ERC2: variants seen among roughly 807,000 people sequenced by gnomAD.
The protein encoded by ERC2 is ERC protein 2.
Under a neutral mutation model 114.8 loss-of-function variants are expected in ERC2, and 42 were observed. That is an observed-to-expected ratio of 0.37 (90% CI 0.29 to 0.47). The LOEUF (loss-of-function observed/expected upper bound fraction) is 0.47. ERC2 is among the 20% of genes least tolerant of loss of function. The pLI, the probability that ERC2 is intolerant of heterozygous loss-of-function variation, is 0.99. For missense variants in ERC2, 939 were observed against 1,150.7 expected, an observed-to-expected ratio of 0.82 and a Z score of 2.66; for synonymous variants, 454 against 425.5, an observed-to-expected ratio of 1.07 and a Z score of -0.82.
chr3:55,877,494 T>C (rs1312291564), intron 14 of ERC2, among the ~76,000 whole-genome samples: 3 of 150,896 alleles, frequency 2.0e-5, no homozygotes, highest in Non-Finnish European at 4.4e-5. Context: ...TTCTTTTCTC[T>C]TTTTTTAATT....
intron 2 of ERC2, among the ~76,000 whole-genome samples, chr3:56,306,269 C>G (rs747300805): frequency 6.6e-6 from 1 of 152,166 alleles, no homozygotes; most frequent in Non-Finnish European, 1.5e-5. Context: ...CTGCTGGCCC[C>G]TGCCCTAAAG....
rs1437710697 is a variant in ERC2, at chr3:55,827,314, AAAG to A, written c.2564+61072_2564+61074del. The stretch of plus-strand genomic sequence containing the variant: ...AAAAAAGGAAGAGAAAGAAAGAAAG[AAAG>A]AAGAAAGAGAAAAAGAAAGAGGGAC... On this transcript the variant is annotated intron_variant, in intron 14 of 17. Transcript: ENST00000288221. Among the ~76,000 whole-genome samples the A allele has an allele frequency of 2.6e-5, 4 of 151,786 alleles. No individual in the cohort carries two copies. In the South Asian group the frequency reaches 6.2e-4, roughly 24 times the overall value.
At chr3:56,435,652 A>G (rs1179151881) in intron 1 of ERC2, among the ~76,000 whole-genome samples, 1 of 152,198 alleles carries the variant, frequency 6.6e-6, no homozygotes, top group Non-Finnish European at 1.5e-5. Context: ...CATTACAGAC[A>G]TCACTAATCC....
intron 2 of ERC2, among the ~76,000 whole-genome samples, chr3:56,431,692 T>G (rs1166809329): frequency 6.6e-6 from 1 of 152,252 alleles, no homozygotes; most frequent in Non-Finnish European, 1.5e-5. Context: ...AATAGCTTGT[T>G]TTTTGTCAAT....
At chr3:56,294,874 A>G (rs2055327553) in intron 3 of ERC2, among the ~76,000 whole-genome samples, 1 of 152,232 alleles carries the variant, frequency 6.6e-6, no homozygotes. Flanking sequence ...AAACCAAGCC[A>G]TGTGGTTTCC....
intron 14 of ERC2, among the ~76,000 whole-genome samples, chr3:55,877,463 C>T (rs111475942): frequency 1.4e-3 from 211 of 151,672 alleles, no homozygotes; most frequent in African/African-American, 4.9e-3. Flanking sequence ...CTCACTGCAC[C>T]GATAATTCTT....
At chr3:55,735,975 A>C (rs1360700057) in intron 14 of ERC2, among the ~76,000 whole-genome samples, 1 of 152,098 alleles carries the variant, frequency 6.6e-6, no homozygotes, top group Non-Finnish European at 1.5e-5. Flanking sequence ...TTCTTTCTCT[A>C]TCCAGAGCCA....
intron 14 of ERC2, among the ~76,000 whole-genome samples, chr3:55,850,960 C>A (rs1460242565): frequency 6.6e-6 from 1 of 151,734 alleles, no homozygotes; most frequent in Non-Finnish European, 1.5e-5. Context: ...GCCTGACTTC[C>A]CCTGGGACTT....
chr3:56,135,591 A>G (rs2080459999), intron 6 of ERC2, among the ~76,000 whole-genome samples: 1 of 152,218 alleles, frequency 6.6e-6, no homozygotes, highest in South Asian at 2.1e-4. Context: ...ACATAGATGT[A>G]TGAGGCTGAT....
At chr3:56,114,419 C>T (rs73091231) in intron 6 of ERC2, among the ~76,000 whole-genome samples, 3 of 151,874 alleles carry the variant, frequency 2.0e-5, no homozygotes, top group South Asian at 4.2e-4. Flanking sequence ...TCAACCCTTA[C>T]GAAAGAAAGT....
At chr3:55,741,097 C>T (rs146622781) in intron 14 of ERC2, among the ~76,000 whole-genome samples, 1 of 152,086 alleles carries the variant, frequency 6.6e-6, no homozygotes, top group African/African-American at 2.4e-5. Flanking sequence ...TTTCATTATC[C>T]CTGCCTTAAA....
At chr3:56,157,936 AG>A (rs1158358148) in intron 4 of ERC2, among the ~76,000 whole-genome samples, 5 of 152,180 alleles carry the variant, frequency 3.3e-5, no homozygotes, top group Non-Finnish European at 7.4e-5. Context: ...CCCTGCTGGC[AG>A]GGGCACACGC....
At chr3:55,805,632 G>A (rs1381612400) in intron 14 of ERC2, among the ~76,000 whole-genome samples, 1 of 150,794 alleles carries the variant, frequency 6.6e-6, no homozygotes, top group African/African-American at 2.5e-5. Flanking sequence ...GGTAGGGAGG[G>A]GTGCTACCAG....
intron 7 of ERC2, among the ~76,000 whole-genome samples, chr3:56,050,729 T>C (rs559886002): frequency 1.3e-5 from 2 of 152,334 alleles, no homozygotes; most frequent in East Asian, 3.9e-4. Flanking sequence ...GTCAGGTTAT[T>C]AACTCTGGAA....
chr3:56,066,090 T>C (rs1454821044), intron 7 of ERC2, among the ~76,000 whole-genome samples: 1 of 152,160 alleles, frequency 6.6e-6, no homozygotes, highest in Non-Finnish European at 1.5e-5. Flanking sequence ...GGTCAAACAG[T>C]ATTTCTGGTT....
intron 2 of ERC2, among the ~76,000 whole-genome samples, chr3:56,355,643 T>C (rs1195949783): frequency 6.6e-6 from 1 of 152,178 alleles, no homozygotes; most frequent in African/African-American, 2.4e-5. Context: ...AAATTTAAAC[T>C]CATATTCCAG....
chr3:56,076,356 G>A (rs1045821354), intron 7 of ERC2, among the ~76,000 whole-genome samples: 1 of 152,072 alleles, frequency 6.6e-6, no homozygotes, highest in Non-Finnish European at 1.5e-5. Context: ...GAATTTGATC[G>A]GGTTCAAATA....
At chr3:55,614,397 A>T (rs1210442108) in intron 17 of ERC2, among the ~76,000 whole-genome samples, 1 of 152,164 alleles carries the variant, frequency 6.6e-6, no homozygotes, top group African/African-American at 2.4e-5. Context: ...TGGTAGGGAC[A>T]GGAGAGAAAG....
In ERC2 at chr3:56,337,504, G is replaced by A. The variant is rs199828698; in HGVS notation, c.658-41069C>T. 4.6e-5 allele frequency among the ~76,000 whole-genome samples: 7 copies of A among 152,302 alleles called. No individual in the cohort carries two copies. In the East Asian group the frequency reaches 1.4e-3, roughly 29 times the overall value. On this transcript the variant is annotated intron_variant, in intron 2 of 17. Coordinates refer to ENST00000288221, the MANE Select transcript of ERC2 (RefSeq NM_015576.3). ...GGAACAATTTCACCTGGCTCTAAGGGTTGCTGTGATGATGACCTGATAGAA... is the reference window on the plus strand; with the variant it reads ...GGAACAATTTCACCTGGCTCTAAGGATTGCTGTGATGATGACCTGATAGAA...
Sources: allele counts gnomAD v4.1 joint callset (sites outside exome capture counted in the v4.1 genomes callset), GRCh38; gene constraint gnomAD v4.1.1; transcripts MANE v1.5; gene names NCBI Gene and HGNC (gene_info 2026-07-23, HGNC 2026-07-21).